The following CARD14 variants were observed in gnomAD, a reference collection of about 807,000 sequenced individuals.
CARD14 encodes caspase recruitment domain-containing protein 14.
A neutral mutation model predicts 111.5 loss-of-function variants in CARD14; 107 were observed. The ratio of observed to expected loss-of-function variants is 0.96; its 90% CI spans 0.82 to 1.13. CARD14 has a LOEUF of 1.13. Among genes scored for constraint, CARD14 ranks in the 50% most tolerant of loss-of-function variants. CARD14 has a pLI of 0.00. For synonymous variants in CARD14, 617 were observed against 579.6 expected (o/e 1.06, Z -0.93); for missense variants, 1,322 against 1,362.3 (o/e 0.97, Z 0.47).
At position 80,205,395 on chromosome 17, in the gene CARD14, G is replaced by A. The variant is rs1344602874; in HGVS notation, c.2570-136G>A. The A allele has an allele frequency of 3.9e-6, 5 of 1,295,760 alleles. No individual in the cohort carries two copies. The Admixed American group carries it at 8.5e-5, about 22-fold the overall frequency. 80.3% of individuals were successfully genotyped at this position (1,295,760 alleles called of 1,614,324 possible). On this transcript the variant is annotated intron_variant, in intron 21 of 23. Coordinates refer to ENST00000648509, the MANE Select transcript of CARD14 (RefSeq NM_001366385.1). ...CACAGAGCGGGGTGTGCAGGGTCAG[G>A]TTTGTAAAGTGGACATCCTAAGAAG...
At chr17:80,174,448 G>A (rs192912139) in intron 2 of CARD14, among the ~76,000 whole-genome samples, 6 of 152,060 alleles carry the variant, frequency 3.9e-5, no homozygotes, top group African/African-American at 1.4e-4. Context: ...CCTGACCTCA[G>A]GCGACCTGCC....
intron 11 of CARD14, chr17:80,192,285 T>C (rs2040553476): frequency 2.0e-6 from 1 of 493,086 alleles, no homozygotes; most frequent in Non-Finnish European, 3.6e-6. Flanking sequence ...AATGAAATGC[T>C]GTGTGTCCAG....
rs755372322 is a variant in CARD14 at position 80,182,633 on chromosome 17, A to G, written c.212-20A>G. ...CTTGGTAGCTGGGTTCTGCCCAGAC[A>G]GACGGTTCTGCCTCCCAAGGGCACT... On this transcript the variant is annotated intron_variant, in intron 5 of 23. Coordinates refer to ENST00000648509, the MANE Select transcript of CARD14 (RefSeq NM_001366385.1). The surrounding 1 kb of genome is among the most constrained non-coding windows in gnomAD (Gnocchi z 4.7). 5.6e-6 allele frequency: 9 copies of G among 1,613,404 alleles called. No individual in the cohort carries two copies. Among genetic ancestry groups the G allele is most frequent in the Non-Finnish European group, 6.8e-6 (8 of 1,179,802 alleles).
At chr17:80,199,116 G>A (rs186941974) in intron 16 of CARD14, among the ~76,000 whole-genome samples, 100 of 152,160 alleles carry the variant, frequency 6.6e-4, no homozygotes, top group East Asian at 1.4e-3. Context: ...TACCGTGCCC[G>A]GCTAATTTGG....
rs1222342531 is a variant in CARD14, at chr17:80,181,468, A to G, written c.30A>G (p.Ala10=). 3.8e-6 allele frequency: 6 copies of G among 1,583,766 alleles called. No individual in the cohort carries two copies. Among genetic ancestry groups the G allele is most frequent in the South Asian group, 1.2e-5 (1 of 86,660 alleles). The change falls in exon 5 of 24, where the codon GCA becomes GCG. Residue 10 remains alanine (A), a synonymous_variant. Coordinates refer to ENST00000648509, the MANE Select transcript of CARD14 (RefSeq NM_001366385.1). ...GGGAACTGTGCCGCAGGGACTCCGC[A>G]CTCACGGCACTGGACGAGGAGACAC... is the stretch of plus-strand genomic sequence containing the variant. MGELCRRDS[A]LTALDEETLW...
intron 23 of CARD14, among the ~76,000 whole-genome samples, 153 bp downstream of exon 23, chr17:80,207,238 C>A (rs547476764): frequency 6.6e-6 from 1 of 152,116 alleles, no homozygotes; most frequent in African/African-American, 2.4e-5. Flanking sequence ...ACAAGGGCCC[C>A]GCTGATTGCT....
chr17:80,186,312 C>T (rs2040343241), intron 7 of CARD14, among the ~76,000 whole-genome samples: 2 of 152,176 alleles, frequency 1.3e-5, no homozygotes, highest in South Asian at 4.1e-4. Context: ...TCATGGGTTC[C>T]TACTCTGCAG....
chr17:80,177,716 G>C (rs2040059932), intron 2 of CARD14, among the ~76,000 whole-genome samples: 1 of 151,914 alleles, frequency 6.6e-6, no homozygotes, highest in Non-Finnish European at 1.5e-5. Flanking sequence ...TTTTTTTTTA[G>C]CAGATTTTAG....
At chr17:80,183,040 C>T (rs1217375694) in intron 6 of CARD14, among the ~76,000 whole-genome samples, 1 of 152,174 alleles carries the variant, frequency 6.6e-6, no homozygotes, top group Non-Finnish European at 1.5e-5. Flanking sequence ...AAAGGAGACC[C>T]CTGAGCGGTA....
In CARD14 at chr17:80,181,636, C is replaced by T. The variant is rs1254076623; in HGVS notation, c.198C>T (p.Ser66=). The T allele has an allele frequency of 4.1e-5, 63 of 1,549,098 alleles. 1 individual carries two copies. Among genetic ancestry groups the T allele is most frequent in the African/African-American group, 2.3e-4 (17 of 73,070 alleles). ...TGCACAGCCCCCGGCTCACCAACAG[C>T]GCCATGCGGGCCGGTGAGCGCAGCT... The part of the protein sequence containing the change: ...EVLHSPRLTN[S]AMRAGHLLDL... The change falls in exon 5 of 24, where the codon AGC becomes AGT. Residue 66 remains serine, a synonymous_variant. Transcript: ENST00000648509.
intron 7 of CARD14, 149 bp downstream of exon 7, chr17:80,184,387 GA>G (rs1462220874): frequency 1.4e-6 from 1 of 731,174 alleles, no homozygotes; most frequent in Non-Finnish European, 2.0e-6. Flanking sequence ...ACCCCTCTGG[GA>G]AGCTGATCCT....
chr17:80,179,650 T>C (rs2076591632), intron 4 of CARD14, among the ~76,000 whole-genome samples: 1 of 152,118 alleles, frequency 6.6e-6, no homozygotes, highest in South Asian at 2.1e-4. Context: ...CTGAGCAACA[T>C]ACGGAGATTC....
Position 80,201,868 on chromosome 17 carries a change from A to G in CARD14, c.1976A>G (p.Asp659Gly). The change falls in exon 17 of 24, where the codon GAC (aspartate) becomes GGC (glycine). Residue 659 changes from aspartate to glycine, a missense_variant and splice_region_variant. Coordinates refer to ENST00000648509, the MANE Select transcript of CARD14 (RefSeq NM_001366385.1). This position sits in a 1 kb window ranked among gnomAD's most constrained non-coding sequence, Gnocchi z 5.0. ...TGCCTGTCTGTGAAGGTCAACACGG[A>G]CGGTACACATACCACTCCTCTCGTG... is the stretch of plus-strand genomic sequence containing the variant. ...FCCLSVKVNT[D>G]GYKRLLQDLE... is the part of the protein sequence containing the mutation. The G allele has an allele frequency of 1.2e-6, 2 of 1,612,172 alleles. No individual in the cohort carries two copies. Among genetic ancestry groups the G allele is most frequent in the East Asian group, 4.5e-5 (2 of 44,874 alleles).
chr17:80,184,038 C>A lies in CARD14; in HGVS notation c.475C>A (p.His159Asn). 1 of 1,587,946 alleles carries A rather than the reference C, an allele frequency of 6.3e-7. No individual in the cohort carries two copies. Among genetic ancestry groups the A allele is most frequent in the South Asian group, 1.1e-5 (1 of 87,382 alleles). Residue 159 changes from histidine (H) to asparagine (N), a missense_variant, in exon 7 of 24, where the codon CAC becomes AAC. Transcript: ENST00000648509. ...LLRRCQQLQE[H>N]LGLAETRAEG... is the part of the protein sequence containing the mutation. ...GCGGCGGTGCCAGCAGCTGCAGGAGCACCTGGGCCTGGCCGAGACCCGTGC... is the reference window on the plus strand; with the variant it reads ...GCGGCGGTGCCAGCAGCTGCAGGAGAACCTGGGCCTGGCCGAGACCCGTGC...
At chr17:80,207,745 C>G (rs1383358181) in intron 23 of CARD14, 1 of 219,300 alleles carries the variant, frequency 4.6e-6, no homozygotes, top group African/African-American at 2.3e-5. Flanking sequence ...TTGGCACTCC[C>G]TCCCCCAAGA....
At position 80,181,598 on chromosome 17, in the gene CARD14, G is replaced by T; in HGVS notation, c.160G>T (p.Glu54Ter). The T allele has an allele frequency of 6.4e-7, 1 of 1,559,610 alleles. No individual in the cohort carries two copies. The highest frequency in any genetic ancestry group is 8.7e-7 in the Non-Finnish European group (1 of 1,151,990). ...RQAKVLCQLD[E>*]EEVLHSPRLT... The stretch of plus-strand genomic sequence containing the variant: ...GGCCAAGGTGCTGTGCCAGCTGGAC[G>T]AGGAGGAGGTGCTGCACAGCCCCCG... The change falls in exon 5 of 24, where the codon GAG becomes TAG. Residue 54 changes from glutamate to a stop codon, truncating the protein, a stop_gained. Coordinates refer to ENST00000648509, the MANE Select transcript of CARD14 (RefSeq NM_001366385.1). LOFTEE classifies it high-confidence loss of function.
At chr17:80,192,806 G>A (rs2040570938) in intron 12 of CARD14, among the ~76,000 whole-genome samples, 187 bp downstream of exon 12, 1 of 152,184 alleles carries the variant, frequency 6.6e-6, no homozygotes, top group African/African-American at 2.4e-5. Context: ...AGGCTGGAGT[G>A]CAGTGATGTG....
At position 80,198,333 on chromosome 17, in the gene CARD14, G is replaced by A. The variant is rs2040794939; in HGVS notation, c.1659-66G>A. The A allele has an allele frequency of 1.3e-6, 2 of 1,561,700 alleles. No homozygotes were observed. The highest frequency in any genetic ancestry group is 1.7e-6 in the Non-Finnish European group (2 of 1,150,816). On this transcript the variant is annotated intron_variant, in intron 15 of 23. Transcript: ENST00000648509. This position sits in a 1 kb window ranked among gnomAD's most constrained non-coding sequence, Gnocchi z 7.5. ...ACACTGGGGCCAGAGGGAAGCAATGGGGAGGTGGCCTTGCCGGCTCTCCTG... is the reference window on the plus strand; with the variant it reads ...ACACTGGGGCCAGAGGGAAGCAATGAGGAGGTGGCCTTGCCGGCTCTCCTG...
Position 80,184,221 on chromosome 17 carries a change from C to T in CARD14, c.658C>T (p.Arg220Cys), listed in dbSNP as rs894864855. ...GAAGGAGCTGGCCGCCTCACGCTGC[C>T]GCAGCCTGCAGGAGGAGGTAGGGGG... The part of the protein sequence containing the change: ...QEKELAASRC[R>C]SLQEELYLLK... The change falls in exon 7 of 24, where the codon CGC becomes TGC. Residue 220 changes from arginine (R) to cysteine (C), a missense_variant. Arg to Cys is a radical substitution (Grantham distance 180). Coordinates refer to ENST00000648509, the MANE Select transcript of CARD14 (RefSeq NM_001366385.1). 1.4e-5 allele frequency: 21 copies of T among 1,535,130 alleles called. No homozygotes were observed. The highest frequency in any genetic ancestry group is 2.7e-5 in the African/African-American group (2 of 73,088).
Sources: gnomAD v4.1 joint callset for allele counts (sites outside exome capture counted in the v4.1 genomes callset) on GRCh38, gnomAD v4.1.1 for gene constraint, Gnocchi (gnomAD v3.1) non-coding constraint, MANE v1.5 for transcripts, NCBI Gene and HGNC (gene_info 2026-07-23, HGNC 2026-07-21) for gene names.